The following ZBTB9 variants were observed in gnomAD, a reference collection of about 807,000 sequenced individuals.
The protein encoded by ZBTB9 is zinc finger and BTB domain-containing protein 9.
A neutral mutation model predicts 26.3 loss-of-function variants in ZBTB9; 17 were observed. The ratio of observed to expected loss-of-function variants is 0.65; its 90% CI spans 0.44 to 0.97. The LOEUF is 0.97. Among genes scored for constraint, ZBTB9 ranks in the 50% least tolerant of loss-of-function variants. ZBTB9 has a pLI of 0.00. For missense variants in ZBTB9, 510 were observed against 594.2 expected, an observed-to-expected ratio of 0.86 and a Z score of 1.47; for synonymous variants, 226 against 234.3, an observed-to-expected ratio of 0.96 and a Z score of 0.32.
At chr6:33,454,067 C>T (rs569303023), upstream of ZBTB9, 1 of 152,328 alleles carries the variant, frequency 6.6e-6, no homozygotes, top group East Asian at 1.9e-4. Context: ...AAAGAACCTG[C>T]CTGGTTCCTT....
upstream of ZBTB9, chr6:33,454,565 G>C (rs1176316669): frequency 6.3e-6 from 1 of 159,774 alleles, no homozygotes; most frequent in Admixed American, 6.3e-5. Context: ...GGTGTCCGGC[G>C]GGGAGGCGGC....
rs551193534 is a variant in ZBTB9, at chr6:33,455,128, G to A, written c.28G>A (p.Val10Ile). The A allele has an allele frequency of 6.2e-7, 1 of 1,610,626 alleles. No homozygotes were observed. Among genetic ancestry groups the A allele is most frequent in the East Asian group, 2.2e-5 (1 of 44,844 alleles). Reference protein sequence around the residue: METPTPLPPVPASPTCNPAP... With the variant: METPTPLPPIPASPTCNPAP... ...GGAAACCCCAACACCTTTGCCGCCT[G>A]TACCCGCCTCCCCGACCTGCAACCC... is the stretch of plus-strand genomic sequence containing the variant. Residue 10 changes from valine (V) to isoleucine (I), a missense_variant, in exon 2 of 2, where the codon GTA becomes ATA. Physicochemically the swap from Val to Ile is conservative, Grantham distance 29. Transcript: ENST00000395064.
Position 33,456,350 on chromosome 6 carries a change from A to G in ZBTB9, c.1250A>G (p.Asn417Ser). Residue 417 changes from asparagine (N) to serine (S), a missense_variant, in exon 2 of 2, where the codon AAC becomes AGC. Around this residue, in one of 2 missense-constraint regions of ZBTB9, gnomAD observed 71 missense variants for 133.8 expected, o/e 0.53. Transcript: ENST00000395064. The surrounding 1 kb of genome is among the most constrained non-coding windows in gnomAD (Gnocchi z 5.1). Reference protein sequence around the residue: ...SLRPFGCGICNKRFKLKHHLT... With the variant: ...SLRPFGCGICSKRFKLKHHLT... Reference sequence around the variant, plus strand: ...CGGCCTTTTGGCTGTGGCATCTGCAACAAGCGCTTCAAGCTGAAGCACCAT... The same window carrying G: ...CGGCCTTTTGGCTGTGGCATCTGCAGCAAGCGCTTCAAGCTGAAGCACCAT... 2.5e-6 allele frequency: 4 copies of G among 1,614,134 alleles called. No individual in the cohort carries two copies. Among genetic ancestry groups the G allele is most frequent in the African/African-American group, 1.3e-5 (1 of 75,066 alleles).
In ZBTB9 at chr6:33,456,930, A is replaced by G. The variant is rs1761496763; in HGVS notation, c.*408A>G. 1 of 194,354 alleles carries G rather than the reference A, an allele frequency of 5.1e-6. No individual in the cohort carries two copies. The highest frequency in any genetic ancestry group is 5.8e-5 in the Admixed American group (1 of 17,122). The allele number at this position is 194,354 out of a possible 1,614,324, so 12.0% of individuals were successfully genotyped here. ...GAATTGAAGGAGTTGGTCTCCACCT[A>G]GAGATACATTTGATTTACAGCTTAA... On this transcript the variant is annotated 3_prime_UTR_variant, in exon 2 of 2. Transcript: ENST00000395064. This position sits in a 1 kb window ranked among gnomAD's most constrained non-coding sequence, Gnocchi z 5.1.
intron 1 of ZBTB9, 108 bp from the exon 2 acceptor site, chr6:33,454,922 C>T (rs1761449175): frequency 2.1e-6 from 2 of 953,274 alleles, no homozygotes; most frequent in African/African-American, 3.3e-5. Flanking sequence ...GCAGAAACCG[C>T]CACTGACTTA....
Position 33,455,677 on chromosome 6 carries a change from G to A in ZBTB9, c.577G>A (p.Glu193Lys). 6.2e-7 allele frequency: 1 copy of A among 1,614,222 alleles called. No individual in the cohort carries two copies. Among genetic ancestry groups the A allele is most frequent in the South Asian group, 1.1e-5 (1 of 91,082 alleles). The change falls in exon 2 of 2, where the codon GAG becomes AAG. Residue 193 changes from glutamate to lysine, a missense_variant. By Grantham distance (56) the Glu-to-Lys change is moderately conservative. This residue lies in a region of ZBTB9 where 439 missense variants were observed against 460.4 expected (regional missense o/e 0.95). Transcript: ENST00000395064. ...TTCTACTGAAAGCCCTGCTTCCACT[G>A]AGAGCCCTGTGGGAGGGGAGGGAAG... ...SASTESPASTESPVGGEGSEL... is the reference protein window; with the variant it reads ...SASTESPASTKSPVGGEGSEL...
At position 33,455,940 on chromosome 6, in the gene ZBTB9, C is replaced by T; in HGVS notation, c.840C>T (p.Pro280=). Reference sequence around the variant, plus strand: ...TTCCTGCCCCTCCTGCACTGCCCCCCAAAATCTTCTACATTAAGCAGGAAC... The same window carrying T: ...TTCCTGCCCCTCCTGCACTGCCCCCTAAAATCTTCTACATTAAGCAGGAAC... ...LELPAPPALP[P]KIFYIKQEPF... The change falls in exon 2 of 2, where the codon CCC becomes CCT. Residue 280 remains proline (P), a synonymous_variant. Coordinates refer to ENST00000395064, the MANE Select transcript of ZBTB9 (RefSeq NM_152735.4). The T allele has an allele frequency of 6.2e-7, 1 of 1,612,074 alleles. No individual in the cohort carries two copies. The highest frequency in any genetic ancestry group is 8.5e-7 in the Non-Finnish European group (1 of 1,178,948).
rs775411143 is a variant in ZBTB9, at chr6:33,455,809, C to A, written c.709C>A (p.Pro237Thr). The change falls in exon 2 of 2, where the codon CCC (proline) becomes ACC (threonine). Residue 237 changes from proline to threonine, a missense_variant. Physicochemically the swap from Pro to Thr is conservative, Grantham distance 38. Coordinates refer to ENST00000395064, the MANE Select transcript of ZBTB9 (RefSeq NM_152735.4). ...AGCCACACTCTCTCAGACTCCTCAGCCCCAGAGAGTATCAGGGGTTTTTCC... is the reference window on the plus strand; with the variant it reads ...AGCCACACTCTCTCAGACTCCTCAGACCCAGAGAGTATCAGGGGTTTTTCC... The part of the protein sequence containing the change: ...GSATLSQTPQ[P>T]QRVSGVFPRP... 6.2e-7 allele frequency: 1 copy of A among 1,610,734 alleles called. No individual in the cohort carries two copies. Among genetic ancestry groups the A allele is most frequent in the Non-Finnish European group, 8.5e-7 (1 of 1,178,132 alleles).
At chr6:33,454,166 A>T (rs1300455268), upstream of ZBTB9, 2 of 152,196 alleles carry the variant, frequency 1.3e-5, no homozygotes, top group African/African-American at 2.4e-5. Context: ...TGAGGACGGC[A>T]ACCCCCACCC....
Position 33,455,055 on chromosome 6 carries a change from C to A in ZBTB9, c.-46C>A. The A allele has an allele frequency of 2.6e-6, 4 of 1,545,020 alleles. No homozygotes were observed. The highest frequency in any genetic ancestry group is 1.3e-5 in the South Asian group (1 of 79,314). On this transcript the variant is annotated 5_prime_UTR_variant, in exon 2 of 2. Coordinates refer to ENST00000395064, the MANE Select transcript of ZBTB9 (RefSeq NM_152735.4). The stretch of plus-strand genomic sequence containing the variant: ...CCTTCATCCCGCGTGGAGTCTACCC[C>A]CAAGCCCTTCTCCTCTTCCCAATTC...
At chr6:33,453,757 G>A (rs183076227), upstream of ZBTB9, 1 of 152,192 alleles carries the variant, frequency 6.6e-6, no homozygotes, top group African/African-American at 2.4e-5. Flanking sequence ...CTTTCTGAAA[G>A]GAAGCTGACA....
rs1761494569 is a variant in ZBTB9 at position 33,456,803 on chromosome 6, T to C, written c.*281T>C. On this transcript the variant is annotated 3_prime_UTR_variant, in exon 2 of 2. Coordinates refer to ENST00000395064, the MANE Select transcript of ZBTB9 (RefSeq NM_152735.4). The surrounding 1 kb of genome is among the most constrained non-coding windows in gnomAD (Gnocchi z 5.1). ...ATCACTTGCCCATGGTGGACATTTTTGTGGTGGTGATGTCCATTAAGGAAA... is the reference window on the plus strand; with the variant it reads ...ATCACTTGCCCATGGTGGACATTTTCGTGGTGGTGATGTCCATTAAGGAAA... 4.6e-6 allele frequency: 2 copies of C among 435,786 alleles called. No individual in the cohort carries two copies. The highest frequency in any genetic ancestry group is 8.3e-6 in the Non-Finnish European group (2 of 240,720). The allele number at this position is 435,786 out of a possible 1,614,324, so 27.0% of individuals were successfully genotyped here.
chr6:33,454,959 A>AGG, intron 1 of ZBTB9, 71 bp from the exon 2 acceptor site: 31 of 1,309,184 alleles, frequency 2.4e-5, no homozygotes, highest in Non-Finnish European at 3.0e-5. Context: ...GCTCGTGGGG[A>AGG]GGGGGTTGTT....
rs1761502824 is a variant in ZBTB9, at chr6:33,457,383, G to A, written c.*861G>A. Reference sequence around the variant, plus strand: ...TTGGGACAGCACAAGCTGAAGGCTGGAGAGTAACTTGCATAGTAGGACCAT... The same window carrying A: ...TTGGGACAGCACAAGCTGAAGGCTGAAGAGTAACTTGCATAGTAGGACCAT... On this transcript the variant is annotated 3_prime_UTR_variant, in exon 2 of 2. Transcript: ENST00000395064. 1 of 167,148 alleles carries A rather than the reference G, an allele frequency of 6.0e-6. No homozygotes were observed. Among genetic ancestry groups the A allele is most frequent in the South Asian group, 2.1e-4 (1 of 4,834 alleles). The allele number at this position is 167,148 out of a possible 1,614,324, so 10.4% of individuals were successfully genotyped here. A position where few individuals can be genotyped will look rare whatever the true frequency, so the allele number is the denominator to read the frequency against.
chr6:33,456,741 C>A lies in ZBTB9; in HGVS notation c.*219C>A. On this transcript the variant is annotated 3_prime_UTR_variant, in exon 2 of 2. Coordinates refer to ENST00000395064, the MANE Select transcript of ZBTB9 (RefSeq NM_152735.4). The surrounding 1 kb of genome is among the most constrained non-coding windows in gnomAD (Gnocchi z 5.1). ...TCCAGGTTTTGGCTAGCCAACCCTGCAGGAAAGTGGTTTATAGGCCATTCA... is the reference window on the plus strand; with the variant it reads ...TCCAGGTTTTGGCTAGCCAACCCTGAAGGAAAGTGGTTTATAGGCCATTCA... 1.3e-6 allele frequency: 1 copy of A among 792,802 alleles called. No homozygotes were observed. The highest frequency in any genetic ancestry group is 1.9e-6 in the Non-Finnish European group (1 of 533,726). 49.1% of individuals were successfully genotyped at this position (792,802 alleles called of 1,614,324 possible). A position where few individuals can be genotyped will look rare whatever the true frequency, so the allele number is the denominator to read the frequency against.
chr6:33,455,038 C>G lies in ZBTB9; in HGVS notation c.-63C>G. 1 of 1,520,760 alleles carries G rather than the reference C, an allele frequency of 6.6e-7. No homozygotes were observed. Among genetic ancestry groups the G allele is most frequent in the Non-Finnish European group, 8.8e-7 (1 of 1,135,266 alleles). 94.2% of individuals were successfully genotyped at this position (1,520,760 alleles called of 1,614,324 possible). On this transcript the variant is annotated 5_prime_UTR_variant, in exon 2 of 2. Coordinates refer to ENST00000395064, the MANE Select transcript of ZBTB9 (RefSeq NM_152735.4). ...ATCTTTTTCCTCTGCAGCCTTCATC[C>G]CGCGTGGAGTCTACCCCCAAGCCCT...
Position 33,456,639 on chromosome 6 carries a change from A to T in ZBTB9, c.*117A>T. ...TCTTGTAATCATGCCAAGAGAATAG[A>T]TACATTATGGACCTCTTGTTCTTAG... On this transcript the variant is annotated 3_prime_UTR_variant, in exon 2 of 2. Transcript: ENST00000395064. The surrounding 1 kb of genome is among the most constrained non-coding windows in gnomAD (Gnocchi z 5.1). The T allele has an allele frequency of 6.7e-7, 1 of 1,486,296 alleles. No homozygotes were observed. Among genetic ancestry groups the T allele is most frequent in the Non-Finnish European group, 9.0e-7 (1 of 1,112,952 alleles). The allele number at this position is 1,486,296 out of a possible 1,614,324, so 92.1% of individuals were successfully genotyped here.
At position 33,455,131 on chromosome 6, in the gene ZBTB9, C is replaced by T. The variant is rs146607540; in HGVS notation, c.31C>T (p.Pro11Ser). The T allele has an allele frequency of 1.2e-6, 2 of 1,610,944 alleles. No homozygotes were observed. Among genetic ancestry groups the T allele is most frequent in the East Asian group, 2.2e-5 (1 of 44,850 alleles). METPTPLPPV[P>S]ASPTCNPAPR... ...AACCCCAACACCTTTGCCGCCTGTA[C>T]CCGCCTCCCCGACCTGCAACCCAGC... Residue 11 changes from proline to serine, a missense_variant, in exon 2 of 2, where the codon CCC (proline) becomes TCC (serine). Physicochemically the swap from Pro to Ser is moderately conservative, Grantham distance 74. Around this residue, in one of 2 missense-constraint regions of ZBTB9, gnomAD observed 439 missense variants for 460.4 expected, o/e 0.95. Coordinates refer to ENST00000395064, the MANE Select transcript of ZBTB9 (RefSeq NM_152735.4).
In ZBTB9 at chr6:33,456,184, G is replaced by C; in HGVS notation, c.1084G>C (p.Gly362Arg). 1 of 1,608,676 alleles carries C rather than the reference G, an allele frequency of 6.2e-7. No individual in the cohort carries two copies. The change falls in exon 2 of 2, where the codon GGA becomes CGA. Residue 362 changes from glycine (G) to arginine (R), a missense_variant. By Grantham distance (125) the Gly-to-Arg change is moderately radical. Coordinates refer to ENST00000395064, the MANE Select transcript of ZBTB9 (RefSeq NM_152735.4). This position sits in a 1 kb window ranked among gnomAD's most constrained non-coding sequence, Gnocchi z 5.1. Reference protein sequence around the residue: ...EILSGGGGPGGAGQAVHGPVK... With the variant: ...EILSGGGGPGRAGQAVHGPVK... ...CCTGTCAGGGGGTGGAGGACCTGGG[G>C]GAGCAGGCCAGGCCGTGCATGGGCC...
Sources: gnomAD v4.1 joint callset for allele counts on GRCh38, gnomAD v4.1.1 for gene constraint, gnomAD v4.1.1 regional missense constraint, Gnocchi (gnomAD v3.1) non-coding constraint, MANE v1.5 for transcripts, NCBI Gene and HGNC (gene_info 2026-07-23, HGNC 2026-07-21) for gene names.